Variants in DCC observed in about 807,000 individuals in gnomAD.
The protein encoded by DCC is DCC netrin 1 receptor, also known as netrin receptor DCC.
A neutral mutation model predicts 172.5 loss-of-function variants in DCC; 58 were observed. That is an observed-to-expected ratio of 0.34 (90% confidence interval 0.27 to 0.42). The LOEUF (loss-of-function observed/expected upper bound fraction) is 0.42, where lower values mean the gene tolerates loss of function less well. Among genes scored for constraint, DCC ranks in the 10% least tolerant of loss-of-function variants. The pLI is 1.00. For synonymous variants in DCC, 709 were observed against 644.5 expected (o/e 1.10, Z -1.52); for missense variants, 1,740 against 1,791.0 (o/e 0.97, Z 0.51).
chr18:53,426,408 TTTTATGA>T (rs1358391445), intron 21 of DCC, among the ~76,000 whole-genome samples: 159 of 121,954 alleles, frequency 1.3e-3, no homozygotes, highest in Non-Finnish European at 2.5e-3. Flanking sequence ...TGATATATAT[TTTTATGA>T]TATATATTTA....
At chr18:52,710,135 A>G (rs1445246157) in intron 1 of DCC, among the ~76,000 whole-genome samples, 1 of 152,268 alleles carries the variant, frequency 6.6e-6, no homozygotes, top group Admixed American at 6.5e-5. Context: ...ATATATTTAC[A>G]AAGATGCTTA....
intron 8 of DCC, among the ~76,000 whole-genome samples, chr18:53,157,941 T>G (rs1002502032): frequency 2.0e-5 from 3 of 152,188 alleles, no homozygotes; most frequent in Admixed American, 2.0e-4. Flanking sequence ...GAGAAATTAA[T>G]AATACCTACC....
intron 8 of DCC, among the ~76,000 whole-genome samples, chr18:53,171,999 G>C (rs1226892058): frequency 6.6e-6 from 1 of 152,078 alleles, no homozygotes; most frequent in African/African-American, 2.4e-5. Flanking sequence ...ACTTAAAACA[G>C]ATCCACAATT....
chr18:53,512,687 A>C (rs1294719635), intron 27 of DCC, among the ~76,000 whole-genome samples: 7 of 151,956 alleles, frequency 4.6e-5, no homozygotes, highest in Admixed American at 3.9e-4. Context: ...GAGCCGATGC[A>C]ATCAACTGGA....
chr18:53,129,628 A>G (rs2043621195), intron 7 of DCC, among the ~76,000 whole-genome samples: 1 of 152,040 alleles, frequency 6.6e-6, no homozygotes, highest in Non-Finnish European at 1.5e-5. Flanking sequence ...AAAAGGTTTG[A>G]GGTTCATCCA....
intron 5 of DCC, among the ~76,000 whole-genome samples, chr18:53,044,545 A>T (rs1001027549): frequency 6.6e-6 from 1 of 151,750 alleles, no homozygotes; most frequent in African/African-American, 2.4e-5. Flanking sequence ...TATAGCTCCC[A>T]GTTGATTAAT....
intron 2 of DCC, among the ~76,000 whole-genome samples, chr18:52,832,144 A>C (rs1316538504): frequency 6.6e-6 from 1 of 152,136 alleles, no homozygotes; most frequent in Non-Finnish European, 1.5e-5. Flanking sequence ...CAAACAAAAA[A>C]GGGAATAGGT....
At chr18:53,216,349 T>A (rs1486078360) in intron 12 of DCC, among the ~76,000 whole-genome samples, 1 of 152,156 alleles carries the variant, frequency 6.6e-6, no homozygotes, top group Non-Finnish European at 1.5e-5. Context: ...GTACTTCTCA[T>A]GTGAGGAAAT....
intron 5 of DCC, among the ~76,000 whole-genome samples, chr18:53,044,926 G>C (rs1015349559): frequency 6.6e-6 from 1 of 151,742 alleles, no homozygotes; most frequent in African/African-American, 2.4e-5. Flanking sequence ...CTATATATAT[G>C]TATGCATGAT....
intron 2 of DCC, among the ~76,000 whole-genome samples, chr18:52,836,862 A>C (rs1448966434): frequency 1.3e-5 from 2 of 152,160 alleles, no homozygotes; most frequent in Admixed American, 1.3e-4. Context: ...TCCCTTCTAT[A>C]CTGCCCTAGC....
rs554794793 is a variant in DCC, at chr18:52,918,636, A to T, written c.698-5071A>T. ...TCCAAAGATGAAAAAACCACCCATA[A>T]TTCCATCACACAACATTAACCTTGA... On this transcript the variant is annotated intron_variant, in intron 3 of 28. Transcript: ENST00000442544. 2.4e-4 allele frequency among the ~76,000 whole-genome samples: 37 copies of T among 152,266 alleles called. No individual in the cohort carries two copies. The South Asian group carries it at 5.4e-3, about 22-fold the overall frequency.
At chr18:53,429,563 A>G (rs1360751363) in intron 21 of DCC, among the ~76,000 whole-genome samples, 2 of 152,094 alleles carry the variant, frequency 1.3e-5, no homozygotes, top group East Asian at 3.9e-4. Context: ...GCCTAAATAC[A>G]GAAATTGGAA....
At chr18:52,919,979 C>T (rs1016588079) in intron 3 of DCC, among the ~76,000 whole-genome samples, 3 of 134,768 alleles carry the variant, frequency 2.2e-5, no homozygotes, top group Non-Finnish European at 4.7e-5. Context: ...AAAAAATCGC[C>T]TTTTCAACAA....
intron 2 of DCC, among the ~76,000 whole-genome samples, chr18:52,794,975 TC>T (rs1489553395): frequency 6.6e-6 from 1 of 152,006 alleles, no homozygotes; most frequent in African/African-American, 2.4e-5. Context: ...CTGAGACAAA[TC>T]CCCCTTAATC....
At chr18:52,603,086 A>G (rs1424598516) in intron 1 of DCC, among the ~76,000 whole-genome samples, 1 of 152,110 alleles carries the variant, frequency 6.6e-6, no homozygotes, top group Admixed American at 6.6e-5. Flanking sequence ...ACTGCTTCAA[A>G]ATCACCTGAG....
At chr18:53,406,417 G>A (rs11662797) in intron 19 of DCC, among the ~76,000 whole-genome samples, 1 of 72,442 alleles carries the variant, frequency 1.4e-5, no homozygotes, top group Non-Finnish European at 4.1e-5. Context: ...AAAAAAAAGA[G>A]AAAGAGGCCA....
intron 1 of DCC, among the ~76,000 whole-genome samples, chr18:52,359,096 A>G (rs541979363): frequency 1.3e-5 from 2 of 152,238 alleles, no homozygotes; most frequent in South Asian, 2.1e-4. Flanking sequence ...TGCATTTCCT[A>G]TTCCCTGTCT....
chr18:53,375,241 C>G (rs953793197), intron 15 of DCC, among the ~76,000 whole-genome samples: 1 of 78,782 alleles, frequency 1.3e-5, no homozygotes, highest in Admixed American at 1.2e-4. Flanking sequence ...GTATCTTTAT[C>G]TTTATAGTTC....
At chr18:52,383,995 A>G (rs184781452) in intron 1 of DCC, among the ~76,000 whole-genome samples, 2 of 152,126 alleles carry the variant, frequency 1.3e-5, no homozygotes, top group East Asian at 3.9e-4. Context: ...CCCTATCACA[A>G]TCACTTATTT....
Sources: allele counts gnomAD v4.1 joint callset (sites outside exome capture counted in the v4.1 genomes callset), GRCh38; gene constraint gnomAD v4.1.1; transcripts MANE v1.5; gene names NCBI Gene and HGNC (gene_info 2026-07-23, HGNC 2026-07-21).